PIM2: variants seen among roughly 807,000 people sequenced by gnomAD.
PIM2 encodes the protein Pim-2 proto-oncogene, serine/threonine kinase.
A neutral mutation model predicts 18.0 loss-of-function variants in PIM2; 3 were observed. That is an observed-to-expected ratio of 0.17 (90% confidence interval 0.08 to 0.43). The LOEUF (loss-of-function observed/expected upper bound fraction) is 0.43. Among genes scored for constraint, PIM2 ranks in the 20% least tolerant of loss-of-function variants. PIM2 has a pLI of 0.99. For missense variants in PIM2, 181 were observed against 260.8 expected (o/e 0.69, Z 2.11); for synonymous variants, 117 against 105.3 (o/e 1.11, Z -0.68).
At chrX:48,915,518 T>G in intron 3 of PIM2, 126 bp from the exon 4 acceptor site, 2 of 629,958 alleles carry the variant, frequency 3.2e-6, no homozygotes, top group Non-Finnish European at 4.7e-6. Context: ...GCTAAGCAAC[T>G]CACTTCCCTT....
At chrX:48,917,105 A>G (rs1408785749) in intron 3 of PIM2, among the ~76,000 whole-genome samples, 1 of 109,699 alleles carries the variant, frequency 9.1e-6, no homozygotes, top group African/African-American at 3.3e-5. Context: ...CAGTGAGCCG[A>G]GATCGCGTCA....
chrX:48,916,775 G>C (rs1160546047), intron 3 of PIM2, among the ~76,000 whole-genome samples: 2 of 110,427 alleles, frequency 1.8e-5, no homozygotes, highest in Non-Finnish European at 3.8e-5. Flanking sequence ...TTGAACCCAG[G>C]AGGTGGAGGC....
chrX:48,918,298 G>GCCCCCCCCCCCCCCCCCCCCCCCCC (rs11361543), intron 2 of PIM2, among the ~76,000 whole-genome samples: 3 of 25,005 alleles, frequency 1.2e-4, no homozygotes, highest in African/African-American at 2.2e-4. Flanking sequence ...GAAGCCCCCT[G>GCCCCCCCCCCCCCCCCCCCCCCCCC]CCCCCCCCCC....
At position 48,915,359 on chromosome X, in the gene PIM2, G is replaced by C. The variant is rs1557045132; in HGVS notation, c.256C>G (p.Leu86Val). The change falls in exon 4 of 6, where the codon CTG becomes GTG. Residue 86 changes from leucine to valine, a missense_variant. Physicochemically the swap from Leu to Val is conservative, Grantham distance 32. Coordinates refer to ENST00000376509, the MANE Select transcript of PIM2 (RefSeq NM_006875.4). ...DSVTCPLEVA[L>V]LWKVGAGGGH... ...CCACCTGCACCCACTTTCCATAGCA[G>C]TGCGACTTCGAGTGGGCATGTGACT... 1 of 1,206,429 alleles carries C rather than the reference G, an allele frequency of 8.3e-7. No homozygotes were observed. Among genetic ancestry groups the C allele is most frequent in the Non-Finnish European group, 1.1e-6 (1 of 892,136 alleles).
At position 48,915,131 on chromosome X, in the gene PIM2, G is replaced by A. The variant is rs1557045088; in HGVS notation, c.484C>T (p.Arg162Cys). 2.5e-6 allele frequency: 3 copies of A among 1,212,153 alleles called. No homozygotes were observed. Among genetic ancestry groups the A allele is most frequent in the Non-Finnish European group, 3.4e-6 (3 of 895,424 alleles). ...AGGATGTTCTCATCCTTGATGTCAC[G>A]ATGGACAACTCCACGGGAATGGCAG... ...QHCHSRGVVH[R>C]DIKDENILID... is the part of the protein sequence containing the mutation. The change falls in exon 4 of 6, where the codon CGT becomes TGT. Residue 162 changes from arginine (R) to cysteine (C), a missense_variant. This residue lies in a region of PIM2 where 8 missense variants were observed against 31.8 expected (regional missense o/e 0.25). Coordinates refer to ENST00000376509, the MANE Select transcript of PIM2 (RefSeq NM_006875.4).
intron 3 of PIM2, among the ~76,000 whole-genome samples, chrX:48,916,243 T>G (rs1320268866): frequency 8.8e-6 from 1 of 113,011 alleles, no homozygotes; most frequent in African/African-American, 3.2e-5. Flanking sequence ...GAGCTCTCAA[T>G]ACTTATGTAA....
In PIM2 at chrX:48,915,237, A is replaced by G; in HGVS notation, c.378T>C (p.Phe126=). 1 of 1,212,106 alleles carries G rather than the reference A, an allele frequency of 8.3e-7. No homozygotes were observed. Among genetic ancestry groups the G allele is most frequent in the Non-Finnish European group, 1.1e-6 (1 of 895,537 alleles). The change falls in exon 4 of 6, where the codon TTT becomes TTC. Residue 126 remains phenylalanine (F), a synonymous_variant. Coordinates refer to ENST00000376509, the MANE Select transcript of PIM2 (RefSeq NM_006875.4). Reference sequence around the variant, plus strand: ...GTGGGCCCTTCTCTGTGATATAGTCAAAGAGATCCTGGGCGGGCAAAGGCC... The same window carrying G: ...GTGGGCCCTTCTCTGTGATATAGTCGAAGAGATCCTGGGCGGGCAAAGGCC... ...LERPLPAQDL[F]DYITEKGPLG...
chrX:48,917,709 C>A, intron 3 of PIM2, 72 bp downstream of exon 3: 1 of 847,996 alleles, frequency 1.2e-6, no homozygotes, highest in Non-Finnish European at 1.7e-6. Context: ...TCATACATCC[C>A]CTGGAAAAGC....
rs1557044984 is a variant in PIM2, at chrX:48,914,389, C to T, written c.772+6G>A. On this transcript the variant is annotated splice_donor_region_variant and intron_variant, in intron 5 of 5. Transcript: ENST00000376509. ...GTCTTCTGGGCTGGGGTCAGTGAGGCCTCACCTGGGGAGACATGGGCTGGG... is the reference window on the plus strand; with the variant it reads ...GTCTTCTGGGCTGGGGTCAGTGAGGTCTCACCTGGGGAGACATGGGCTGGG... 2.9e-5 allele frequency: 35 copies of T among 1,208,426 alleles called. No individual in the cohort carries two copies. The highest frequency in any genetic ancestry group is 3.7e-5 in the Non-Finnish European group (33 of 894,655).
Position 48,917,842 on chromosome X carries a change from A to G in PIM2, c.172-11T>C, listed in dbSNP as rs782080022. The stretch of plus-strand genomic sequence containing the variant: ...CACTTTGATGGCCACCTGGAGAAGA[A>G]GGCCGTGATAAGGAGGCCAGCAGGT... On this transcript the variant is annotated splice_polypyrimidine_tract_variant and intron_variant, in intron 2 of 5. Coordinates refer to ENST00000376509, the MANE Select transcript of PIM2 (RefSeq NM_006875.4). The G allele has an allele frequency of 1.7e-6, 2 of 1,187,572 alleles. No individual in the cohort carries two copies. Among genetic ancestry groups the G allele is most frequent in the South Asian group, 3.7e-5 (2 of 54,274 alleles).
At chrX:48,918,476 G>C in intron 2 of PIM2, 60 bp downstream of exon 2, 1 of 839,612 alleles carries the variant, frequency 1.2e-6, no homozygotes, top group Admixed American at 2.8e-5. Flanking sequence ...GCATTCCAGG[G>C]CCAGGACCCC....
Position 48,915,130 on chromosome X carries a change from C to T in PIM2, c.485G>A (p.Arg162His), listed in dbSNP as rs2063559450. ...CAGGATGTTCTCATCCTTGATGTCACGATGGACAACTCCACGGGAATGGCA... is the reference window on the plus strand; with the variant it reads ...CAGGATGTTCTCATCCTTGATGTCATGATGGACAACTCCACGGGAATGGCA... ...QHCHSRGVVH[R>H]DIKDENILID... The change falls in exon 4 of 6, where the codon CGT becomes CAT. Residue 162 changes from arginine to histidine, a missense_variant. By Grantham distance (29) the Arg-to-His change is conservative (BLOSUM62 0). Around this residue, in one of 5 missense-constraint regions of PIM2, gnomAD observed 8 missense variants for 31.8 expected, o/e 0.25. Transcript: ENST00000376509. 1.7e-6 allele frequency: 2 copies of T among 1,210,865 alleles called. No homozygotes were observed. The highest frequency in any genetic ancestry group is 2.2e-6 in the Non-Finnish European group (2 of 895,271).
chrX:48,917,211 CCAAGCCCTGCG>C (rs1234490893), intron 3 of PIM2, among the ~76,000 whole-genome samples: 1 of 111,406 alleles, frequency 9.0e-6, no homozygotes, highest in African/African-American at 3.3e-5. Context: ...CACTGCCTCC[CCAAGCCCTGCG>C]CAGGTACACT....
chrX:48,918,992 A>G lies in PIM2; in HGVS notation c.-158T>C. The G allele has an allele frequency of 6.6e-6, 3 of 451,763 alleles. No homozygotes were observed. The highest frequency in any genetic ancestry group is 7.5e-6 in the Non-Finnish European group (2 of 265,512). 37.2% of individuals were successfully genotyped at this position (451,763 alleles called of 1,213,427 possible). The stretch of plus-strand genomic sequence containing the variant: ...AGCGCCCGCAGACGGCGCAGCGTTG[A>G]GATTCGCCGCGCGCGCCAGCCCCAA... On this transcript the variant is annotated 5_prime_UTR_variant, in exon 1 of 6. Transcript: ENST00000376509.
intron 4 of PIM2, 111 bp from the exon 5 acceptor site, chrX:48,914,682 C>G (rs1366293773): frequency 3.1e-6 from 2 of 638,770 alleles, no homozygotes; most frequent in Non-Finnish European, 4.7e-6. Flanking sequence ...AAGATAAAAG[C>G]AGAGTCCCCT....
At chrX:48,914,691 C>A in intron 4 of PIM2, 120 bp from the exon 5 acceptor site, 1 of 598,682 alleles carries the variant, frequency 1.7e-6, no homozygotes, top group Non-Finnish European at 2.6e-6. Flanking sequence ...GCAGAGTCCC[C>A]TCACTAGATA....
In PIM2 at chrX:48,917,813, G is replaced by T; in HGVS notation, c.190C>A (p.Pro64Thr). ...GACCAGCCCAGCACACGATTCCGGG[G>T]AATCACTTTGATGGCCACCTGGAGA... ...DRLQVAIKVI[P>T]RNRVLGWSPL... The change falls in exon 3 of 6, where the codon CCC becomes ACC. Residue 64 changes from proline (P) to threonine (T), a missense_variant. Physicochemically the swap from Pro to Thr is conservative, Grantham distance 38. This residue lies in a region of PIM2 where 104 missense variants were observed against 125.3 expected (regional missense o/e 0.83). Coordinates refer to ENST00000376509, the MANE Select transcript of PIM2 (RefSeq NM_006875.4). 2.5e-6 allele frequency: 3 copies of T among 1,202,720 alleles called. No individual in the cohort carries two copies. Among genetic ancestry groups the T allele is most frequent in the Non-Finnish European group, 3.4e-6 (3 of 890,614 alleles).
Position 48,918,756 on chromosome X carries a change from A to G in PIM2, c.61+18T>C. On this transcript the variant is annotated intron_variant, in intron 1 of 5. Transcript: ENST00000376509. ...CCAGCCCACCCCGTCTGGTTGCAGTAGGGGAGGATGTACTCACCTGGCGGC... is the reference window on the plus strand; with the variant it reads ...CCAGCCCACCCCGTCTGGTTGCAGTGGGGGAGGATGTACTCACCTGGCGGC... The G allele has an allele frequency of 8.5e-7, 1 of 1,182,051 alleles. No individual in the cohort carries two copies. The highest frequency in any genetic ancestry group is 1.1e-6 in the Non-Finnish European group (1 of 876,430).
chrX:48,915,424 G>A (rs1557045146), intron 3 of PIM2, 32 bp from the exon 4 acceptor site: 1 of 1,168,195 alleles, frequency 8.6e-7, no homozygotes, highest in Admixed American at 2.5e-5. Flanking sequence ...GAAGCAGGGA[G>A]AGAAAAAAGA....
Sources: gnomAD v4.1 joint callset for allele counts (sites outside exome capture counted in the v4.1 genomes callset) on GRCh38, gnomAD v4.1.1 for gene constraint, gnomAD v4.1.1 regional missense constraint, MANE v1.5 for transcripts, NCBI Gene and HGNC (gene_info 2026-07-23, HGNC 2026-07-21) for gene names.